SENP7: variants seen among roughly 807,000 people sequenced by gnomAD.
SENP7 encodes the protein SUMO specific peptidase 7.
In SENP7, 64 loss-of-function variants were observed where a neutral mutation model predicts 141.2. The ratio of observed to expected loss-of-function variants is 0.45; its 90% CI spans 0.37 to 0.56. The LOEUF is 0.56. Ranked by LOEUF, SENP7 falls within the 20% of genes least tolerant of loss-of-function variation. SENP7 has a pLI of 0.00. For missense variants in SENP7, 1,025 were observed against 1,212.2 expected (o/e 0.85, Z 2.29); for synonymous variants, 382 against 426.4 (o/e 0.90, Z 1.28).
Position 101,347,978 on chromosome 3 carries a change from A to G in SENP7, c.1731T>C (p.Asp577=). 6.2e-7 allele frequency: 1 copy of G among 1,611,774 alleles called. No individual in the cohort carries two copies. Among genetic ancestry groups the G allele is most frequent in the Non-Finnish European group, 8.5e-7 (1 of 1,178,420 alleles). ...CATGACTCCTTTTACTGTGATTATC[A>G]TCCTTACTTTTCCATAACCCAAACC... is the stretch of plus-strand genomic sequence containing the variant. The part of the protein sequence containing the change: ...LKRFGLWKSK[D]DNHSKRSHAI... The change falls in exon 13 of 24, where the codon GAT becomes GAC. Residue 577 remains aspartate (D), a synonymous_variant. Coordinates refer to ENST00000394095, the MANE Select transcript of SENP7 (RefSeq NM_020654.5).
At chr3:101,382,041 C>T (rs2060516628) in intron 6 of SENP7, among the ~76,000 whole-genome samples, 1 of 152,150 alleles carries the variant, frequency 6.6e-6, no homozygotes, top group South Asian at 2.1e-4. Context: ...TGTTGGAAGT[C>T]TATATTAGAG....
chr3:101,439,169 C>T (rs1371798246), intron 4 of SENP7, among the ~76,000 whole-genome samples: 40 of 103,584 alleles, frequency 3.9e-4, no homozygotes, highest in Admixed American at 3.8e-3. Flanking sequence ...ATGTGGGGAG[C>T]GCCTCTGCCC....
intron 6 of SENP7, among the ~76,000 whole-genome samples, chr3:101,378,002 C>T (rs889487800): frequency 3.3e-5 from 5 of 152,094 alleles, no homozygotes; most frequent in Non-Finnish European, 2.9e-5. Flanking sequence ...ACATGCCTAG[C>T]GTTCCAGTAA....
intron 10 of SENP7, among the ~76,000 whole-genome samples, chr3:101,362,486 G>A (rs1310712715): frequency 2.0e-5 from 3 of 152,010 alleles, no homozygotes; most frequent in Non-Finnish European, 4.4e-5. Context: ...TTTTATTTTA[G>A]ATTCAGGGGG....
chr3:101,443,274 A>T (rs1426392304), intron 4 of SENP7, among the ~76,000 whole-genome samples: 1 of 152,074 alleles, frequency 6.6e-6, no homozygotes. Flanking sequence ...ATGCGGCGTT[A>T]TTTCCGAGGG....
chr3:101,421,525 T>A (rs919457216), intron 4 of SENP7, among the ~76,000 whole-genome samples: 1 of 152,220 alleles, frequency 6.6e-6, no homozygotes, highest in East Asian at 1.9e-4. Context: ...AATATGAGAC[T>A]ATTCAATGTT....
In SENP7 at chr3:101,330,371, G is replaced by A. The variant is rs2059016636; in HGVS notation, c.2714C>T (p.Thr905Ile). The change falls in exon 20 of 24, where the codon ACT (threonine) becomes ATT (isoleucine). Residue 905 changes from threonine (T) to isoleucine (I), a missense_variant. Thr to Ile is a moderately conservative substitution (Grantham distance 89, BLOSUM62 -1). Coordinates refer to ENST00000394095, the MANE Select transcript of SENP7 (RefSeq NM_020654.5). ...DNKTIDNDLR[T>I]TSTLSLSAED... ...TGCACTCAAAGACAGTGTCGAAGTA[G>A]TACGTAGATCATTATCTAGTTAGAA... 1.9e-6 allele frequency: 3 copies of A among 1,606,542 alleles called. No homozygotes were observed. The highest frequency in any genetic ancestry group is 2.6e-6 in the Non-Finnish European group (3 of 1,173,920).
At chr3:101,439,696 G>A (rs1396995865) in intron 4 of SENP7, among the ~76,000 whole-genome samples, 35 of 31,694 alleles carry the variant, frequency 1.1e-3, no homozygotes, top group South Asian at 4.3e-3. Flanking sequence ...CCCCCCACCC[G>A]GCCAGCCGCC....
At chr3:101,498,713 C>T (rs765778476) in intron 2 of SENP7, among the ~76,000 whole-genome samples, 6 of 152,142 alleles carry the variant, frequency 3.9e-5, no homozygotes, top group Non-Finnish European at 4.4e-5. Flanking sequence ...TGTGCCCAAC[C>T]CCCAGGCCAA....
chr3:101,326,849 T>C (rs2058913436), intron 23 of SENP7, among the ~76,000 whole-genome samples: 1 of 152,068 alleles, frequency 6.6e-6, no homozygotes, highest in Admixed American at 6.6e-5. Flanking sequence ...CAGTAAATTA[T>C]ACTGTTTTAT....
At chr3:101,392,844 T>C (rs2060853577) in intron 6 of SENP7, among the ~76,000 whole-genome samples, 1 of 152,118 alleles carries the variant, frequency 6.6e-6, no homozygotes, top group South Asian at 2.1e-4. Flanking sequence ...AATAGCTGGG[T>C]GTGGTGGTAC....
intron 4 of SENP7, among the ~76,000 whole-genome samples, chr3:101,450,868 C>T (rs564640318): frequency 2.0e-5 from 3 of 152,030 alleles, no homozygotes; most frequent in South Asian, 2.1e-4. Context: ...AAGATCAGGG[C>T]AGAACTGAAG....
rs763066616 is a variant in SENP7 at position 101,513,159 on chromosome 3, A to T, written c.-29T>A. ...CTCCCGCTGCTGAAATTTCAGTTGC[A>T]GGCGCTGTCACCTCAGGACCCCTCC... On this transcript the variant is annotated 5_prime_UTR_variant, in exon 1 of 24. Transcript: ENST00000394095. 7.1e-7 allele frequency: 1 copy of T among 1,403,594 alleles called. No individual in the cohort carries two copies. The highest frequency in any genetic ancestry group is 9.5e-7 in the Non-Finnish European group (1 of 1,053,876). 86.9% of individuals were successfully genotyped at this position (1,403,594 alleles called of 1,614,324 possible).
chr3:101,375,052 C>T (rs2060282108), intron 6 of SENP7, among the ~76,000 whole-genome samples: 1 of 151,906 alleles, frequency 6.6e-6, no homozygotes, highest in African/African-American at 2.4e-5. Context: ...GCCCAAACAA[C>T]AATATACCAT....
Position 101,366,449 on chromosome 3 carries a change from T to C in SENP7, c.1299A>G (p.Ser433=). Residue 433 remains serine, a synonymous_variant, in exon 9 of 24, where the codon TCA becomes TCG. Coordinates refer to ENST00000394095, the MANE Select transcript of SENP7 (RefSeq NM_020654.5). ...ILRGHNEGNQ[S]LISAEPIVVS... is the part of the protein sequence containing the mutation. Reference sequence around the variant, plus strand: ...ACTTACTTGGTTCAGCTGAGATCAGTGATTGGTTCCCTTCATTATGTCCTC... The same window carrying C: ...ACTTACTTGGTTCAGCTGAGATCAGCGATTGGTTCCCTTCATTATGTCCTC... 1 of 1,603,362 alleles carries C rather than the reference T, an allele frequency of 6.2e-7. No homozygotes were observed. Among genetic ancestry groups the C allele is most frequent in the Non-Finnish European group, 8.5e-7 (1 of 1,173,960 alleles).
intron 1 of SENP7, among the ~76,000 whole-genome samples, chr3:101,502,889 C>T: frequency 6.6e-6 from 1 of 150,766 alleles, no homozygotes; most frequent in South Asian, 2.1e-4. Flanking sequence ...GCATTCCAGC[C>T]TGGGTGACAG....
chr3:101,456,039 A>G (rs2063341168), intron 4 of SENP7, among the ~76,000 whole-genome samples: 1 of 152,192 alleles, frequency 6.6e-6, no homozygotes, highest in South Asian at 2.1e-4. Context: ...CAACAGAGAT[A>G]CTTTTTTAAA....
At chr3:101,487,389 T>C (rs566757993) in intron 3 of SENP7, among the ~76,000 whole-genome samples, 2 of 152,314 alleles carry the variant, frequency 1.3e-5, no homozygotes, top group South Asian at 4.1e-4. Flanking sequence ...TCAGAGACAA[T>C]AGTTTGTGAA....
intron 4 of SENP7, chr3:101,457,664 C>T: frequency 1.4e-6 from 2 of 1,435,448 alleles, no homozygotes; most frequent in Non-Finnish European, 2.0e-6. Flanking sequence ...CAGTTCCTTT[C>T]CCACCAATGC....
Sources: gnomAD v4.1 joint callset for allele counts (sites outside exome capture counted in the v4.1 genomes callset) on GRCh38, gnomAD v4.1.1 for gene constraint, MANE v1.5 for transcripts, NCBI Gene and HGNC (gene_info 2026-07-23, HGNC 2026-07-21) for gene names.